The following PDE9A variants were observed in gnomAD, a reference collection of about 807,000 sequenced individuals.
PDE9A encodes high affinity cGMP-specific 3',5'-cyclic phosphodiesterase 9A.
In PDE9A, 60 loss-of-function variants were observed where a neutral mutation model predicts 87.4. That is an observed-to-expected ratio of 0.69 (90% CI 0.56 to 0.85). The LOEUF (loss-of-function observed/expected upper bound fraction) is 0.85. Among genes scored for constraint, PDE9A ranks in the 40% least tolerant of loss-of-function variants. The pLI is 0.00. For synonymous variants in PDE9A, 272 were observed against 279.4 expected, an observed-to-expected ratio of 0.97 and a Z score of 0.27; for missense variants, 665 against 779.0, an observed-to-expected ratio of 0.85 and a Z score of 1.74.
intron 3 of PDE9A, among the ~76,000 whole-genome samples, chr21:42,693,961 AT>A (rs142357918): frequency 0.14 from 20,071 of 147,592 alleles, 1,595 homozygotes; most frequent in East Asian, 0.42. Context: ...TTTTTAAGAG[AT>A]TTTTTTTTTT....
intron 15 of PDE9A, among the ~76,000 whole-genome samples, chr21:42,767,532 G>A (rs576238235): frequency 6.6e-5 from 10 of 150,494 alleles, no homozygotes; most frequent in African/African-American, 2.0e-4. Context: ...TGCAGACTCC[G>A]AGCTGAACTG....
At position 42,703,157 on chromosome 21, in the gene PDE9A, C is replaced by A. The variant is rs113205846; in HGVS notation, c.262+4146C>A. 4.1e-3 allele frequency among the ~76,000 whole-genome samples: 622 copies of A among 152,318 alleles called. 4 individuals carry two copies. Among genetic ancestry groups the A allele is most frequent in the Non-Finnish European group, 6.1e-3 (414 of 68,020 alleles). The stretch of plus-strand genomic sequence containing the variant: ...AGAGACCCATCCGGGGCTTCTTTGA[C>A]CTGAGCACTGAGCGCCACGGCCCAG... On this transcript the variant is annotated intron_variant, in intron 4 of 19. Coordinates refer to ENST00000291539, the MANE Select transcript of PDE9A (RefSeq NM_002606.3).
chr21:42,741,431 C>T (rs1290059111), intron 7 of PDE9A: 2 of 152,232 alleles, frequency 1.3e-5, no homozygotes, highest in East Asian at 3.8e-4. Context: ...ACGTCCCGAC[C>T]TCAGACCTCA....
rs1210380014 is a variant in PDE9A, at chr21:42,694,562, C to T, written c.219-4406C>T. 6.6e-6 allele frequency among the ~76,000 whole-genome samples: 1 copy of T among 152,236 alleles called. No individual in the cohort carries two copies. Among genetic ancestry groups the T allele is most frequent in the African/African-American group, 2.4e-5 (1 of 41,468 alleles). On this transcript the variant is annotated intron_variant, in intron 3 of 19. Transcript: ENST00000291539. The surrounding 1 kb of genome is among the most constrained non-coding windows in gnomAD (Gnocchi z 5.3). ...GCTTAAAACTCTAGCTTCTTCTCTG[C>T]TCCTCATTCCAAACTAAACAAATTG...
intron 1 of PDE9A, among the ~76,000 whole-genome samples, chr21:42,658,944 C>T (rs1444335452): frequency 2.6e-5 from 4 of 152,138 alleles, no homozygotes; most frequent in Non-Finnish European, 2.9e-5. Flanking sequence ...AGCCTTATTG[C>T]TGTCCTGACC....
chr21:42,759,162 C>T lies in PDE9A; in HGVS notation c.897+77C>T. 9.6e-7 allele frequency: 1 copy of T among 1,038,114 alleles called. No individual in the cohort carries two copies. Among genetic ancestry groups the T allele is most frequent in the Admixed American group, 1.8e-5 (1 of 55,172 alleles). 64.3% of individuals were successfully genotyped at this position (1,038,114 alleles called of 1,614,324 possible). A position where few individuals can be genotyped will look rare whatever the true frequency, so the allele number is the denominator to read the frequency against. On this transcript the variant is annotated intron_variant, in intron 11 of 19. Coordinates refer to ENST00000291539, the MANE Select transcript of PDE9A (RefSeq NM_002606.3). This position sits in a 1 kb window ranked among gnomAD's most constrained non-coding sequence, Gnocchi z 7.2. ...TTCCACAGGAATGGAGGGAATGGAT[C>T]ACCAGGGCACCTTCCGGATGGCACT...
At chr21:42,774,448 C>T (rs916202519) in intron 19 of PDE9A, among the ~76,000 whole-genome samples, 66 of 152,244 alleles carry the variant, frequency 4.3e-4, no homozygotes, top group African/African-American at 1.4e-3. Context: ...TGTCTGGTCC[C>T]GATGAAGTGC....
intron 1 of PDE9A, among the ~76,000 whole-genome samples, chr21:42,670,279 TCACACATA>T (rs2058387752): frequency 2.8e-5 from 4 of 141,452 alleles, no homozygotes; most frequent in Non-Finnish European, 6.0e-5. Context: ...ATTCACACAT[TCACACATA>T]CACATTCACA....
intron 4 of PDE9A, among the ~76,000 whole-genome samples, chr21:42,715,815 T>C: frequency 7.7e-6 from 1 of 129,492 alleles, no homozygotes; most frequent in Non-Finnish European, 1.8e-5. Context: ...GGGCTGTACA[T>C]TCCCTGGGTT....
Position 42,727,431 on chromosome 21 carries a change from C to T in PDE9A, c.263-4339C>T, listed in dbSNP as rs2051243057. ...CTCAACCTCCCAAGCTCAAGCAATCCTCCCACCTCAGCCTCCTGAGTAGCT... is the reference window on the plus strand; with the variant it reads ...CTCAACCTCCCAAGCTCAAGCAATCTTCCCACCTCAGCCTCCTGAGTAGCT... On this transcript the variant is annotated intron_variant, in intron 4 of 19. Transcript: ENST00000291539. Among the ~76,000 whole-genome samples, 7 of 152,030 alleles carry T rather than the reference C, an allele frequency of 4.6e-5. No individual in the cohort carries two copies. The South Asian group carries it at 1.5e-3, about 32-fold the overall frequency.
chr21:42,664,058 G>A (rs899304196), intron 1 of PDE9A, among the ~76,000 whole-genome samples: 3 of 152,192 alleles, frequency 2.0e-5, no homozygotes, highest in Admixed American at 1.3e-4. Context: ...GGGCCGAGTC[G>A]GGTCCAGATG....
intron 18 of PDE9A, 59 bp downstream of exon 18, chr21:42,770,857 C>A: frequency 7.6e-7 from 1 of 1,313,514 alleles, no homozygotes; most frequent in Non-Finnish European, 1.1e-6. Context: ...CTGCCCTCCG[C>A]ACTCCCGACT....
Position 42,762,155 on chromosome 21 carries a change from C to T in PDE9A, c.1158C>T (p.Cys386=), listed in dbSNP as rs755564069. ...NDISPLENHH[C]AVAFQILAEP... ...TCTCACCGCTGGAGAACCACCACTG[C>T]GCCGTGGCCTTCCAGATCCTCGCCG... Residue 386 remains cysteine, a synonymous_variant, in exon 14 of 20, where the codon TGC becomes TGT. Transcript: ENST00000291539. 9.3e-6 allele frequency: 15 copies of T among 1,614,112 alleles called. No homozygotes were observed. The highest frequency in any genetic ancestry group is 2.2e-5 in the South Asian group (2 of 91,076).
At chr21:42,708,723 T>A (rs1429911973) in intron 4 of PDE9A, among the ~76,000 whole-genome samples, 3 of 151,964 alleles carry the variant, frequency 2.0e-5, no homozygotes, top group African/African-American at 7.3e-5. Context: ...CCCAGCTAAT[T>A]TTTTGTATTT....
rs1253041281 is a variant in PDE9A at position 42,704,578 on chromosome 21, C to G, written c.262+5567C>G. ...AACCTTCCCTCTCCCGTCCATCGGC[C>G]TTGGGTCCCAGAGCCACTGAGCCGT... On this transcript the variant is annotated intron_variant, in intron 4 of 19. Coordinates refer to ENST00000291539, the MANE Select transcript of PDE9A (RefSeq NM_002606.3). This position sits in a 1 kb window ranked among gnomAD's most constrained non-coding sequence, Gnocchi z 5.3. 6.6e-6 allele frequency among the ~76,000 whole-genome samples: 1 copy of G among 152,224 alleles called. No homozygotes were observed. The highest frequency in any genetic ancestry group is 1.9e-4 in the East Asian group (1 of 5,200).
chr21:42,725,613 G>A (rs934767311), intron 4 of PDE9A, among the ~76,000 whole-genome samples: 2 of 152,138 alleles, frequency 1.3e-5, no homozygotes, highest in African/African-American at 4.8e-5. Flanking sequence ...GTGACTTTGG[G>A]ATTGGCGCCT....
chr21:42,724,208 A>T (rs2050804234), intron 4 of PDE9A, among the ~76,000 whole-genome samples: 1 of 152,034 alleles, frequency 6.6e-6, no homozygotes, highest in South Asian at 2.1e-4. Context: ...GGATGATGAC[A>T]CCCCAGGGAA....
intron 18 of PDE9A, among the ~76,000 whole-genome samples, chr21:42,771,278 CAG>C (rs899133555): frequency 6.6e-6 from 1 of 152,218 alleles, no homozygotes; most frequent in South Asian, 2.1e-4. Flanking sequence ...CGGCACCTCT[CAG>C]GGGCCAGGGA....
intron 1 of PDE9A, among the ~76,000 whole-genome samples, chr21:42,663,263 AGCACATCACAAACACCACACAG>A (rs1050714716): frequency 1.3e-5 from 2 of 150,280 alleles, no homozygotes; most frequent in South Asian, 2.1e-4. Context: ...ACCACACACA[AGCACATCACAAACACCACACAG>A]GCACATCACA....
Sources: allele counts gnomAD v4.1 joint callset (sites outside exome capture counted in the v4.1 genomes callset), GRCh38; gene constraint gnomAD v4.1.1; non-coding constraint Gnocchi (gnomAD v3.1); transcripts MANE v1.5; gene names NCBI Gene and HGNC (gene_info 2026-07-23, HGNC 2026-07-21).